TEX14: variants seen among roughly 807,000 people sequenced by gnomAD.
TEX14 encodes the protein inactive serine/threonine-protein kinase TEX14.
A neutral mutation model predicts 178.6 loss-of-function variants in TEX14; 168 were observed. The ratio of observed to expected loss-of-function variants is 0.94; its 90% CI spans 0.83 to 1.07. TEX14 has a LOEUF of 1.07. TEX14 is among the 50% of genes least tolerant of loss of function. The probability of loss-of-function intolerance (pLI) is 0.00; values close to 1 mark genes in which losing one functional copy is unlikely to be tolerated. For missense variants in TEX14, 1,730 were observed against 1,753.6 expected (o/e 0.99, Z 0.24); for synonymous variants, 626 against 634.1 (o/e 0.99, Z 0.19).
intron 1 of TEX14, among the ~76,000 whole-genome samples, chr17:58,659,928 C>A (rs1301255441): frequency 6.6e-6 from 1 of 150,900 alleles, no homozygotes; most frequent in Non-Finnish European, 1.5e-5. Context: ...AACTCCTGAC[C>A]TCAGGTGATC....
rs35350745 is a variant in TEX14, at chr17:58,659,255, G to GA, written c.-1-7254dup. The GA allele has an allele frequency of 1.1e-4, 81 of 759,322 alleles. No homozygotes were observed. In the South Asian group the frequency reaches 1.5e-3, roughly 14 times the overall value. 47.0% of individuals were successfully genotyped at this position (759,322 alleles called of 1,614,324 possible). On this transcript the variant is annotated intron_variant, in intron 1 of 31. Coordinates refer to ENST00000349033, the MANE Select transcript of TEX14 (RefSeq NM_031272.5). ...ACACATAGTAAAAACCCTCCCCCAA[G>GA]AAAAACACTTTATCAGGACCAACAG...
At chr17:58,666,428 G>C (rs925399599) in intron 1 of TEX14, 1 of 64,322 alleles carries the variant, frequency 1.6e-5, no homozygotes, top group South Asian at 5.2e-4. Flanking sequence ...CTCCAGCCTA[G>C]ATAAACAAAG....
At chr17:58,567,375 G>GC (rs970688308) in intron 26 of TEX14, among the ~76,000 whole-genome samples, 24 of 152,228 alleles carry the variant, frequency 1.6e-4, no homozygotes, top group African/African-American at 5.8e-4. Context: ...TTCCTGCAGT[G>GC]CAGGAAGCAG....
chr17:58,634,062 G>A (rs1312355773), intron 2 of TEX14, among the ~76,000 whole-genome samples: 1 of 151,948 alleles, frequency 6.6e-6, no homozygotes, highest in Non-Finnish European at 1.5e-5. Flanking sequence ...GACAAGGAAG[G>A]TTAAAAGTTT....
intron 5 of TEX14, among the ~76,000 whole-genome samples, chr17:58,619,530 G>A (rs906096337): frequency 7.9e-5 from 12 of 152,192 alleles, no homozygotes; most frequent in African/African-American, 2.4e-4. Flanking sequence ...GAGGGGGGGC[G>A]GGCACGGTGG....
chr17:58,651,957 A>G lies in TEX14; in HGVS notation c.45T>C (p.Leu15=). Residue 15 remains leucine, a synonymous_variant, in exon 2 of 32, where the codon CTT becomes CTC. Coordinates refer to ENST00000349033, the MANE Select transcript of TEX14 (RefSeq NM_031272.5). ...VRLPVPCPVQ[L]GTLRNDSLEA... ...CCAGGGAGTCATTTCTTAAGGTACC[A>G]AGTTGAACAGGACAGGGGACTGGAA... 6.2e-7 allele frequency: 1 copy of G among 1,613,324 alleles called. No homozygotes were observed. Among genetic ancestry groups the G allele is most frequent in the Admixed American group, 1.7e-5 (1 of 59,716 alleles).
intron 13 of TEX14, among the ~76,000 whole-genome samples, chr17:58,601,601 T>A (rs2045447247): frequency 6.6e-6 from 1 of 151,716 alleles, no homozygotes; most frequent in African/African-American, 2.4e-5. Context: ...GGCTGAGGCA[T>A]GAGAATCACT....
chr17:58,616,387 A>G, intron 6 of TEX14, 82 bp from the exon 7 acceptor site: 1 of 1,537,160 alleles, frequency 6.5e-7, no homozygotes. Context: ...GCCAGCTAAA[A>G]GAATGAGAGC....
intron 17 of TEX14, 132 bp downstream of exon 17, chr17:58,587,449 G>A: frequency 1.9e-6 from 1 of 532,202 alleles, no homozygotes; most frequent in Non-Finnish European, 3.2e-6. Flanking sequence ...TATAATAAAA[G>A]AAAAAAATTC....
At chr17:58,671,929 C>T (rs1454314960) in intron 1 of TEX14, among the ~76,000 whole-genome samples, 4 of 152,080 alleles carry the variant, frequency 2.6e-5, no homozygotes, top group Non-Finnish European at 4.4e-5. Flanking sequence ...TGCAGCACAG[C>T]GTATTTCCTC....
At chr17:58,570,572 A>C in intron 24 of TEX14, 88 bp from the exon 25 acceptor site, 1 of 628,258 alleles carries the variant, frequency 1.6e-6, no homozygotes, top group East Asian at 5.2e-5. Flanking sequence ...TGTTTTGTTG[A>C]TTAAGTCAAA....
intron 19 of TEX14, 44 bp from the exon 20 acceptor site, chr17:58,579,775 A>AG: frequency 7.0e-7 from 1 of 1,432,138 alleles, no homozygotes. Context: ...GGTTCACTGG[A>AG]GGCAGACATA....
At chr17:58,645,192 T>G (rs545688289) in intron 2 of TEX14, among the ~76,000 whole-genome samples, 2 of 151,506 alleles carry the variant, frequency 1.3e-5, no homozygotes, top group African/African-American at 4.8e-5. Flanking sequence ...TTCACCATGT[T>G]GACCAAGATG....
intron 10 of TEX14, among the ~76,000 whole-genome samples, chr17:58,610,817 C>A (rs1010845399): frequency 6.6e-6 from 1 of 150,952 alleles, no homozygotes; most frequent in African/African-American, 2.4e-5. Context: ...ACCCAGGAGG[C>A]GGAGGTTGCA....
At chr17:58,674,801 TA>T (rs562587894) in intron 1 of TEX14, among the ~76,000 whole-genome samples, 1,403 of 109,466 alleles carry the variant, frequency 0.013, 8 homozygotes, top group African/African-American at 0.023. Context: ...ATAAAGTGGT[TA>T]AAAAAAAAAA....
In TEX14 at chr17:58,571,450, C is replaced by T. The variant is rs183175869; in HGVS notation, c.3717+471G>A. Among the ~76,000 whole-genome samples, 19 of 152,062 alleles carry T rather than the reference C, an allele frequency of 1.2e-4. 1 individual carries two copies. The highest frequency in any genetic ancestry group is 4.6e-4 in the African/African-American group (19 of 41,488). ...ATGGGGTTTCGTCATGCTGCCCAGG[C>T]TGGTCTCAAACTCCTGAAATCAAGT... On this transcript the variant is annotated intron_variant, in intron 24 of 31. Coordinates refer to ENST00000349033, the MANE Select transcript of TEX14 (RefSeq NM_031272.5).
chr17:58,658,904 T>C (rs993021829), intron 1 of TEX14, among the ~76,000 whole-genome samples: 1 of 151,622 alleles, frequency 6.6e-6, no homozygotes, highest in African/African-American at 2.4e-5. Flanking sequence ...GATCAAATGA[T>C]TTTCCCACCT....
At chr17:58,682,361 G>A (rs1006327895) in intron 1 of TEX14, among the ~76,000 whole-genome samples, 2 of 151,388 alleles carry the variant, frequency 1.3e-5, no homozygotes, top group South Asian at 2.1e-4. Context: ...AGGTTCAAGC[G>A]GTTCTCCTGC....
At chr17:58,568,400 C>A (rs2044448030) in intron 26 of TEX14, among the ~76,000 whole-genome samples, 1 of 152,164 alleles carries the variant, frequency 6.6e-6, no homozygotes, top group South Asian at 2.1e-4. Flanking sequence ...GATTTACCTC[C>A]TCCTTTATGA....
Sources: gnomAD v4.1 joint callset for allele counts (sites outside exome capture counted in the v4.1 genomes callset) on GRCh38, gnomAD v4.1.1 for gene constraint, MANE v1.5 for transcripts, NCBI Gene and HGNC (gene_info 2026-07-23, HGNC 2026-07-21) for gene names.